The following SLC35F1 variants were observed in gnomAD, a reference collection of about 807,000 sequenced individuals.
The protein encoded by SLC35F1 is chromosome 6 open reading frame 169.
Under a neutral mutation model 48.7 loss-of-function variants are expected in SLC35F1, and 14 were observed. The ratio of observed to expected loss-of-function variants is 0.29; its 90% confidence interval spans 0.19 to 0.45. The LOEUF (loss-of-function observed/expected upper bound fraction) is 0.45, where lower values mean the gene tolerates loss of function less well. Among genes scored for constraint, SLC35F1 ranks in the 20% least tolerant of loss-of-function variants. The pLI, the probability that SLC35F1 is intolerant of heterozygous loss-of-function variation, is 1.00. For synonymous variants in SLC35F1, 190 were observed against 202.2 expected (o/e 0.94, Z 0.51); for missense variants, 404 against 500.0 (o/e 0.81, Z 1.83).
intron 2 of SLC35F1, among the ~76,000 whole-genome samples, chr6:118,212,662 C>T (rs1376774817): frequency 6.9e-6 from 1 of 145,894 alleles, no homozygotes; most frequent in Admixed American, 7.0e-5. Context: ...TGCACTCCAG[C>T]CTGGACAAGA....
chr6:118,053,101 A>G (rs1045459725), intron 1 of SLC35F1, among the ~76,000 whole-genome samples: 1 of 152,150 alleles, frequency 6.6e-6, no homozygotes, highest in African/African-American at 2.4e-5. Flanking sequence ...TTATCTGGTA[A>G]GGAAATTTAC....
intron 1 of SLC35F1, among the ~76,000 whole-genome samples, chr6:118,146,090 A>C (rs1773968883): frequency 6.6e-6 from 1 of 152,194 alleles, no homozygotes. Context: ...TGCATCCAGC[A>C]TGCCTCCCTC....
intron 1 of SLC35F1, among the ~76,000 whole-genome samples, chr6:118,079,377 A>T (rs970311407): frequency 3.9e-5 from 6 of 152,148 alleles, no homozygotes; most frequent in African/African-American, 1.4e-4. Context: ...GAATATTATT[A>T]TATTGTATGT....
At chr6:117,966,136 C>CCCT (rs1562250320) in intron 1 of SLC35F1, among the ~76,000 whole-genome samples, 1 of 140,934 alleles carries the variant, frequency 7.1e-6, no homozygotes, top group African/African-American at 2.7e-5. Context: ...CCACCGCCCC[C>CCCT]CCCCCCACTC....
At chr6:118,246,514 G>C (rs1775509268) in intron 3 of SLC35F1, among the ~76,000 whole-genome samples, 1 of 152,196 alleles carries the variant, frequency 6.6e-6, no homozygotes, top group African/African-American at 2.4e-5. Flanking sequence ...CCCCGTGACA[G>C]ACAGGACTCC....
intron 3 of SLC35F1, among the ~76,000 whole-genome samples, chr6:118,255,348 C>T (rs766631259): frequency 2.8e-4 from 43 of 152,132 alleles, no homozygotes; most frequent in Non-Finnish European, 5.1e-4. Flanking sequence ...TAATTCCTTG[C>T]TTTTTACTTT....
intron 1 of SLC35F1, among the ~76,000 whole-genome samples, chr6:118,092,199 C>G (rs1034752791): frequency 4.6e-5 from 7 of 152,226 alleles, no homozygotes; most frequent in Non-Finnish European, 8.8e-5. Context: ...TTGCAGCAGC[C>G]CCTCCCATCA....
At chr6:118,060,697 G>C (rs775869829) in intron 1 of SLC35F1, among the ~76,000 whole-genome samples, 3 of 152,144 alleles carry the variant, frequency 2.0e-5, no homozygotes, top group African/African-American at 7.2e-5. Flanking sequence ...TCTGAAATAG[G>C]ACACAACTCT....
intron 1 of SLC35F1, among the ~76,000 whole-genome samples, chr6:118,070,575 T>G (rs1447160266): frequency 6.6e-6 from 1 of 152,118 alleles, no homozygotes; most frequent in African/African-American, 2.4e-5. Context: ...TCCTTCCTAT[T>G]GCACCACATC....
chr6:118,063,384 A>G (rs186306664), intron 1 of SLC35F1, among the ~76,000 whole-genome samples: 1 of 151,644 alleles, frequency 6.6e-6, no homozygotes, highest in African/African-American at 2.4e-5. Flanking sequence ...TGAATTTCCT[A>G]TGGTTAAGGC....
In SLC35F1 at chr6:118,154,354, C is replaced by A; in HGVS notation, c.174-91C>A. ...ATATTTAATTGCACTTAATCCAGTG[C>A]ATGCTACCAGTGCTCAAAAAGTTTT... is the stretch of plus-strand genomic sequence containing the variant. On this transcript the variant is annotated intron_variant, in intron 1 of 7. Transcript: ENST00000360388. 2.8e-6 allele frequency: 3 copies of A among 1,070,940 alleles called. No homozygotes were observed. The Admixed American group carries it at 7.0e-5, about 25-fold the overall frequency. 66.3% of individuals were successfully genotyped at this position (1,070,940 alleles called of 1,614,324 possible). A position where few individuals can be genotyped will look rare whatever the true frequency, so the allele number is the denominator to read the frequency against.
chr6:118,241,578 CGTGTGTGTGTGTGT>C (rs10570595), intron 3 of SLC35F1, among the ~76,000 whole-genome samples: 3 of 147,278 alleles, frequency 2.0e-5, no homozygotes, highest in Admixed American at 6.8e-5. Flanking sequence ...TTTTTACCTT[CGTGTGTGTGTGTGT>C]GTGTGTGTGT....
intron 1 of SLC35F1, among the ~76,000 whole-genome samples, chr6:118,033,379 T>C (rs1772080817): frequency 6.6e-6 from 1 of 152,208 alleles, no homozygotes; most frequent in South Asian, 2.1e-4. Flanking sequence ...GCATATTCCT[T>C]GGATTTGGAG....
Position 117,965,377 on chromosome 6 carries a change from C to T in SLC35F1, c.173+57478C>T, listed in dbSNP as rs566314758. ...GAGCAAACATTGAGCTACTGGCAAG[C>T]CTTTTTTCAGGCCTACCATCTCTCC... On this transcript the variant is annotated intron_variant, in intron 1 of 7. Transcript: ENST00000360388. Among the ~76,000 whole-genome samples the T allele has an allele frequency of 1.6e-4, 24 of 152,292 alleles. No individual in the cohort carries two copies. In the South Asian group the frequency reaches 4.8e-3, roughly 30 times the overall value.
At chr6:118,112,101 C>CTTTTCTT (rs1562293539) in intron 1 of SLC35F1, among the ~76,000 whole-genome samples, 4 of 82,744 alleles carry the variant, frequency 4.8e-5, no homozygotes, top group African/African-American at 1.3e-4. Context: ...CTTTTCTTTT[C>CTTTTCTT]TTTTCTTTTC....
At chr6:118,023,998 C>T (rs1466762990) in intron 1 of SLC35F1, among the ~76,000 whole-genome samples, 1 of 152,164 alleles carries the variant, frequency 6.6e-6, no homozygotes, top group African/African-American at 2.4e-5. Flanking sequence ...TCCCCATTTC[C>T]ATTAATTTTG....
chr6:118,302,363 G>A (rs1271198255), intron 7 of SLC35F1, among the ~76,000 whole-genome samples: 6 of 152,092 alleles, frequency 3.9e-5, no homozygotes, highest in Non-Finnish European at 8.8e-5. Flanking sequence ...TGCACCCCAG[G>A]AGGAACCATT....
intron 1 of SLC35F1, among the ~76,000 whole-genome samples, chr6:118,143,428 G>A (rs1165762667): frequency 1.3e-5 from 2 of 152,180 alleles, no homozygotes; most frequent in Non-Finnish European, 2.9e-5. Flanking sequence ...GAGAACTAGA[G>A]TCAAAGTTCC....
At chr6:118,306,500 C>T (rs1776313398) in intron 7 of SLC35F1, among the ~76,000 whole-genome samples, 1 of 152,166 alleles carries the variant, frequency 6.6e-6, no homozygotes, top group African/African-American at 2.4e-5. Flanking sequence ...CTGTGTTTTG[C>T]AGAGGGAAAG....
Sources: allele counts gnomAD v4.1 joint callset (sites outside exome capture counted in the v4.1 genomes callset), GRCh38; gene constraint gnomAD v4.1.1; transcripts MANE v1.5; gene names NCBI Gene and HGNC (gene_info 2026-07-23, HGNC 2026-07-21).